MYRIP: variants seen among roughly 807,000 people sequenced by gnomAD.
MYRIP encodes rab effector MyRIP.
MYRIP carries 49 observed loss-of-function variants against 98.0 expected under a neutral mutation model. That is an observed-to-expected ratio of 0.50 (90% CI 0.40 to 0.63). The LOEUF (loss-of-function observed/expected upper bound fraction) is 0.63, where lower values mean the gene tolerates loss of function less well. Among genes scored for constraint, MYRIP ranks in the 30% least tolerant of loss-of-function variants. The probability of loss-of-function intolerance (pLI) is 0.00; values close to 1 mark genes in which losing one functional copy is unlikely to be tolerated. For missense variants in MYRIP, 1,004 were observed against 1,058.2 expected (o/e 0.95, Z 0.71); for synonymous variants, 404 against 409.5 (o/e 0.99, Z 0.16).
chr3:40,143,676 T>C (rs796785071), intron 3 of MYRIP, among the ~76,000 whole-genome samples: 26 of 152,318 alleles, frequency 1.7e-4, no homozygotes, highest in African/African-American at 5.5e-4. Flanking sequence ...TAATTGACAA[T>C]AATTGTGTAT....
At chr3:40,058,570 C>T (rs1947932401) in intron 3 of MYRIP, among the ~76,000 whole-genome samples, 1 of 152,044 alleles carries the variant, frequency 6.6e-6, no homozygotes, top group Non-Finnish European at 1.5e-5. Flanking sequence ...TAAAGTTATA[C>T]CAAGAGAATT....
intron 3 of MYRIP, among the ~76,000 whole-genome samples, chr3:40,065,525 C>T (rs907204646): frequency 1.3e-5 from 2 of 151,952 alleles, no homozygotes; most frequent in Non-Finnish European, 2.9e-5. Flanking sequence ...CAGCTTGCAC[C>T]CCTCAAAACT....
chr3:39,881,290 C>T (rs1209162747), intron 1 of MYRIP, among the ~76,000 whole-genome samples: 1 of 152,086 alleles, frequency 6.6e-6, no homozygotes, highest in Non-Finnish European at 1.5e-5. Flanking sequence ...ATCTGATAAT[C>T]TTGGGCTGTT....
intron 1 of MYRIP, among the ~76,000 whole-genome samples, chr3:39,861,792 G>C (rs1290743753): frequency 1.3e-4 from 20 of 151,848 alleles, no homozygotes; most frequent in Non-Finnish European, 2.9e-5. Flanking sequence ...AAAAGTAAAG[G>C]AAAAAACAAT....
At chr3:40,009,158 G>A (rs1475181891) in intron 2 of MYRIP, among the ~76,000 whole-genome samples, 1 of 152,190 alleles carries the variant, frequency 6.6e-6, no homozygotes, top group Non-Finnish European at 1.5e-5. Flanking sequence ...GCCAAATGTG[G>A]AGACTGCCAG....
intron 2 of MYRIP, among the ~76,000 whole-genome samples, chr3:39,913,981 C>G (rs567340548): frequency 1.3e-5 from 2 of 152,316 alleles, no homozygotes; most frequent in South Asian, 4.1e-4. Flanking sequence ...ACATTACAAT[C>G]TCTAGGTGCA....
chr3:39,970,618 A>C (rs1945556681), intron 2 of MYRIP, among the ~76,000 whole-genome samples: 1 of 152,140 alleles, frequency 6.6e-6, no homozygotes, highest in Admixed American at 6.6e-5. Flanking sequence ...ATTTCCCTCC[A>C]ACCTACCTCA....
intron 2 of MYRIP, among the ~76,000 whole-genome samples, chr3:39,974,133 A>G (rs902222154): frequency 1.3e-5 from 2 of 151,294 alleles, no homozygotes; most frequent in African/African-American, 4.8e-5. Context: ...GAAAAGATCA[A>G]CAAAATTGAT....
chr3:40,205,419 A>G (rs1263060160), intron 10 of MYRIP, among the ~76,000 whole-genome samples: 1 of 152,130 alleles, frequency 6.6e-6, no homozygotes, highest in Non-Finnish European at 1.5e-5. Context: ...ATGAGGACAC[A>G]AGGGAATGCA....
At chr3:40,154,741 C>T (rs1559424124) in intron 4 of MYRIP, among the ~76,000 whole-genome samples, 1 of 152,080 alleles carries the variant, frequency 6.6e-6, no homozygotes. Flanking sequence ...ATTGTTCCCC[C>T]TGCTGTGTCC....
chr3:39,895,160 GT>G lies in MYRIP; in HGVS notation c.-30-5623del, dbSNP rs1420689242. Among the ~76,000 whole-genome samples, 4 of 150,420 alleles carry G rather than the reference GT, an allele frequency of 2.7e-5. No homozygotes were observed. The South Asian group carries it at 6.3e-4, about 24-fold the overall frequency. On this transcript the variant is annotated intron_variant, in intron 1 of 16. Coordinates refer to ENST00000302541, the MANE Select transcript of MYRIP (RefSeq NM_015460.4). ...TATATTAGGATAATTATCTTTCCTG[GT>G]TTTCCCTAGATTTTTGCTTGCATTT...
Position 40,174,053 on chromosome 3 carries a change from C to G in MYRIP, c.873+3960C>G, listed in dbSNP as rs138775516. 1.2e-4 allele frequency: 18 copies of G among 152,284 alleles called. 1 individual carries two copies. In the East Asian group the frequency reaches 3.5e-3, roughly 29 times the overall value. The allele number at this position is 152,284 out of a possible 1,614,324, so 9.4% of individuals were successfully genotyped here. A position where few individuals can be genotyped will look rare whatever the true frequency, so the allele number is the denominator to read the frequency against. ...ATATTCAACACTTCACAAGATATGT[C>G]CACCTTCCCCCGGCTTGAATCTACC... On this transcript the variant is annotated intron_variant, in intron 8 of 16. Transcript: ENST00000302541.
chr3:40,179,120 G>A (rs1425860544), intron 8 of MYRIP, among the ~76,000 whole-genome samples: 1 of 152,200 alleles, frequency 6.6e-6, no homozygotes, highest in Non-Finnish European at 1.5e-5. Flanking sequence ...TGAACTAGCT[G>A]GTGAGTAAAA....
intron 3 of MYRIP, among the ~76,000 whole-genome samples, chr3:40,081,258 T>A (rs2125870363): frequency 6.6e-6 from 1 of 152,298 alleles, no homozygotes; most frequent in South Asian, 2.1e-4. Context: ...TCAAGCTTGA[T>A]ATTGTGCTGC....
At chr3:40,034,980 A>G (rs1047861581) in intron 2 of MYRIP, among the ~76,000 whole-genome samples, 2 of 150,258 alleles carry the variant, frequency 1.3e-5, no homozygotes, top group Non-Finnish European at 1.5e-5. Context: ...CAGACAAAAA[A>G]CCAAACACCG....
At chr3:40,247,460 G>C (rs983204685) in intron 13 of MYRIP, among the ~76,000 whole-genome samples, 2 of 151,976 alleles carry the variant, frequency 1.3e-5, no homozygotes, top group Admixed American at 1.3e-4. Context: ...ACTTACCCAA[G>C]GTCAAATACC....
chr3:39,881,952 T>C (rs564162525), intron 1 of MYRIP, among the ~76,000 whole-genome samples: 6 of 152,116 alleles, frequency 3.9e-5, no homozygotes, highest in Non-Finnish European at 8.8e-5. Flanking sequence ...TTTGAGGGTT[T>C]TTTTCCCATC....
chr3:40,228,832 C>T (rs1161548725), intron 11 of MYRIP, among the ~76,000 whole-genome samples: 1 of 152,224 alleles, frequency 6.6e-6, no homozygotes, highest in African/African-American at 2.4e-5. Context: ...AAGACAGACA[C>T]ACAGACACAC....
chr3:40,191,191 TAC>T (rs780429867), intron 10 of MYRIP, among the ~76,000 whole-genome samples: 1 of 152,190 alleles, frequency 6.6e-6, no homozygotes, highest in Non-Finnish European at 1.5e-5. Flanking sequence ...TGCACTTGTA[TAC>T]ACACACATAC....
Sources: allele counts gnomAD v4.1 joint callset (sites outside exome capture counted in the v4.1 genomes callset), GRCh38; gene constraint gnomAD v4.1.1; transcripts MANE v1.5; gene names NCBI Gene and HGNC (gene_info 2026-07-23, HGNC 2026-07-21).